SUGCT: variants seen among roughly 807,000 people sequenced by gnomAD.
SUGCT encodes the protein succinyl-CoA:glutarate CoA-transferase.
In SUGCT, 41 loss-of-function variants were observed where a neutral mutation model predicts 55.0. The observed-to-expected ratio is 0.74, with a 90% confidence interval of 0.58 to 0.97. The LOEUF is 0.97. SUGCT is among the 50% of genes least tolerant of loss of function. The probability of loss-of-function intolerance (pLI) is 0.00; values close to 1 mark genes in which losing one functional copy is unlikely to be tolerated. For synonymous variants in SUGCT, 187 were observed against 200.4 expected, an observed-to-expected ratio of 0.93 and a Z score of 0.56; for missense variants, 568 against 547.8, an observed-to-expected ratio of 1.04 and a Z score of -0.37.
At chr7:41,034,951 G>T in the SUGCT span, among the ~76,000 whole-genome samples, 1 of 152,172 alleles carries the variant, frequency 6.6e-6, no homozygotes, top group East Asian at 1.9e-4. Context: ...GACCGTCTCA[G>T]CATGGGCTGG....
chr7:40,865,902 C>A, the SUGCT span, among the ~76,000 whole-genome samples: 1 of 152,194 alleles, frequency 6.6e-6, no homozygotes, highest in Non-Finnish European at 1.5e-5. Flanking sequence ...TTTCTTCTCC[C>A]AGCAGGCTGA....
chr7:40,617,475 A>ATGTGTGTGTG (rs34487309), intron 12 of SUGCT, among the ~76,000 whole-genome samples: 14 of 143,658 alleles, frequency 9.7e-5, no homozygotes, highest in Admixed American at 3.5e-4. Flanking sequence ...TTAGATTTAT[A>ATGTGTGTGTG]TGTGTGTGTG....
chr7:40,242,993 G>A (rs1789561213), intron 7 of SUGCT, among the ~76,000 whole-genome samples: 1 of 115,856 alleles, frequency 8.6e-6, no homozygotes, highest in Non-Finnish European at 1.7e-5. Context: ...TGCCCAGGCT[G>A]GTGTAATCAT....
At chr7:40,243,404 A>G (rs1789597877) in intron 7 of SUGCT, among the ~76,000 whole-genome samples, 1 of 152,112 alleles carries the variant, frequency 6.6e-6, no homozygotes, top group Non-Finnish European at 1.5e-5. Flanking sequence ...GATTAGATGT[A>G]TATGCATGGA....
the SUGCT span, among the ~76,000 whole-genome samples, chr7:40,926,277 A>G: frequency 6.6e-6 from 1 of 152,078 alleles, no homozygotes; most frequent in Non-Finnish European, 1.5e-5. Context: ...AAATCATAGA[A>G]ACTAACTCTT....
intron 12 of SUGCT, among the ~76,000 whole-genome samples, chr7:40,616,557 A>G (rs1799012202): frequency 6.6e-6 from 1 of 152,252 alleles, no homozygotes; most frequent in Non-Finnish European, 1.5e-5. Context: ...ATATGCTAGT[A>G]AATGATGCAA....
rs543612452 is a variant in SUGCT, at chr7:40,366,600, C to T, written c.816+49745C>T. On this transcript the variant is annotated intron_variant, in intron 9 of 13. Transcript: ENST00000335693. ...ACAAACAATCCCATCAAAAAGTGGG[C>T]GAAGGATATGAACAGACACTTCTCA... Among the ~76,000 whole-genome samples the T allele has an allele frequency of 4.6e-3, 700 of 152,166 alleles. 2 individuals carry two copies. Among genetic ancestry groups the T allele is most frequent in the African/African-American group, 9.8e-3 (405 of 41,498 alleles).
intron 12 of SUGCT, among the ~76,000 whole-genome samples, chr7:40,590,760 T>C (rs1215329929): frequency 6.6e-6 from 1 of 152,194 alleles, no homozygotes; most frequent in African/African-American, 2.4e-5. Context: ...CCTTGACAAT[T>C]CTGCAAATCT....
At chr7:40,972,327 G>A in the SUGCT span, among the ~76,000 whole-genome samples, 8 of 152,236 alleles carry the variant, frequency 5.3e-5, no homozygotes, top group East Asian at 1.9e-4. Flanking sequence ...TCTGGGATTC[G>A]ATTTTACACT....
At chr7:40,817,643 C>G (rs1315879391) in intron 13 of SUGCT, among the ~76,000 whole-genome samples, 1 of 152,132 alleles carries the variant, frequency 6.6e-6, no homozygotes, top group Non-Finnish European at 1.5e-5. Flanking sequence ...ATCCAGCAAA[C>G]AACTGTCATT....
intron 9 of SUGCT, among the ~76,000 whole-genome samples, chr7:40,378,071 G>A (rs930065792): frequency 1.3e-5 from 2 of 151,962 alleles, no homozygotes; most frequent in African/African-American, 4.8e-5. Flanking sequence ...TGTGTAGTAT[G>A]GAACCACCTT....
chr7:40,741,238 C>T (rs1584368602), intron 12 of SUGCT, among the ~76,000 whole-genome samples: 2 of 151,502 alleles, frequency 1.3e-5, no homozygotes, highest in African/African-American at 4.9e-5. Context: ...CGCCACTGCA[C>T]TCCAGCCTGG....
chr7:40,864,064 T>G (rs966035808), downstream of SUGCT, among the ~76,000 whole-genome samples: 1 of 152,136 alleles, frequency 6.6e-6, no homozygotes, highest in Non-Finnish European at 1.5e-5. Context: ...ATAGCAAAAC[T>G]AGGGTTAAAT....
At chr7:40,915,345 T>C in the SUGCT span, among the ~76,000 whole-genome samples, 1 of 152,086 alleles carries the variant, frequency 6.6e-6, no homozygotes, top group Non-Finnish European at 1.5e-5. Context: ...CAACAAGATA[T>C]CTGGAGACTG....
chr7:40,922,419 G>A, the SUGCT span, among the ~76,000 whole-genome samples: 1 of 152,156 alleles, frequency 6.6e-6, no homozygotes, highest in Non-Finnish European at 1.5e-5. Flanking sequence ...TTCTTCATTA[G>A]GTGGCTCTTG....
intron 12 of SUGCT, among the ~76,000 whole-genome samples, chr7:40,615,832 C>T (rs1201916299): frequency 1.3e-5 from 2 of 152,232 alleles, no homozygotes; most frequent in South Asian, 2.1e-4. Context: ...GCTTCATCCT[C>T]CTGGTTGTGT....
At chr7:40,249,346 T>TATATATATATAA (rs1219733878) in intron 7 of SUGCT, among the ~76,000 whole-genome samples, 13 of 129,814 alleles carry the variant, frequency 1.0e-4, no homozygotes, top group Admixed American at 1.6e-4. Flanking sequence ...TATATATATA[T>TATATATATATAA]AATTATATTA....
intron 7 of SUGCT, among the ~76,000 whole-genome samples, chr7:40,248,753 A>G (rs1171550463): frequency 6.6e-6 from 1 of 152,112 alleles, no homozygotes; most frequent in East Asian, 1.9e-4. Context: ...TTTGATAGGT[A>G]TTTGTATTTT....
intron 9 of SUGCT, among the ~76,000 whole-genome samples, chr7:40,448,155 T>A (rs538701215): frequency 1.9e-4 from 29 of 151,894 alleles, no homozygotes; most frequent in Non-Finnish European, 4.0e-4. Context: ...AAAGATTACA[T>A]TTGAGTTCTT....
Sources: allele counts gnomAD v4.1 joint callset (sites outside exome capture counted in the v4.1 genomes callset), GRCh38; gene constraint gnomAD v4.1.1; transcripts MANE v1.5; gene names NCBI Gene and HGNC (gene_info 2026-07-23, HGNC 2026-07-21).